CTNNA2: variants seen among roughly 807,000 people sequenced by gnomAD.
The protein encoded by CTNNA2 is catenin alpha-2.
A neutral mutation model predicts 101.0 loss-of-function variants in CTNNA2; 42 were observed. That is an observed-to-expected ratio of 0.42 (90% CI 0.32 to 0.54). CTNNA2 has a LOEUF of 0.54. Among genes scored for constraint, CTNNA2 ranks in the 20% least tolerant of loss-of-function variants. The pLI, the probability that CTNNA2 is intolerant of heterozygous loss-of-function variation, is 0.14. For missense variants in CTNNA2, 871 were observed against 1,223.1 expected (o/e 0.71, Z 4.29); for synonymous variants, 450 against 456.4 (o/e 0.99, Z 0.18).
rs988086101 is a variant in CTNNA2, at chr2:80,440,660, T to C, written c.1290+21059T>C. On this transcript the variant is annotated intron_variant, in intron 9 of 18. Coordinates refer to ENST00000402739, the MANE Select transcript of CTNNA2 (RefSeq NM_001282597.3). ...AGGATAAAGAAGGAAGATAGAACTT[T>C]ATAGGGAGAATCAGGTGTTCAGTTG... Among the ~76,000 whole-genome samples the C allele has an allele frequency of 2.6e-5, 4 of 152,150 alleles. No individual in the cohort carries two copies. The East Asian group carries it at 7.7e-4, about 29-fold the overall frequency.
chr2:80,600,063 A>G (rs1267356918), intron 15 of CTNNA2, among the ~76,000 whole-genome samples: 2 of 151,990 alleles, frequency 1.3e-5, no homozygotes, highest in East Asian at 1.9e-4. Context: ...TTACTTATAC[A>G]GAATTTAAAG....
At chr2:80,352,140 A>G (rs1344910336) in intron 7 of CTNNA2, among the ~76,000 whole-genome samples, 3 of 152,150 alleles carry the variant, frequency 2.0e-5, no homozygotes, top group African/African-American at 2.4e-5. Flanking sequence ...CGATGTAGCA[A>G]TCCAGCTTTC....
chr2:80,635,799 A>G lies in CTNNA2; in HGVS notation c.2575-11786A>G, dbSNP rs3821075. ...GCTATGTGTTGAGAAGAATGCTGAG[A>G]CCATGGCTAGGATCAGTAGGAAAAA... On this transcript the variant is annotated intron_variant, in intron 18 of 18. Coordinates refer to ENST00000402739, the MANE Select transcript of CTNNA2 (RefSeq NM_001282597.3). 3.5e-4 allele frequency among the ~76,000 whole-genome samples: 53 copies of G among 152,164 alleles called. No individual in the cohort carries two copies. The East Asian group carries it at 9.9e-3, about 28-fold the overall frequency.
intron 7 of CTNNA2, among the ~76,000 whole-genome samples, chr2:79,938,946 C>A (rs150754280): frequency 0.011 from 1,743 of 152,250 alleles, 11 homozygotes; most frequent in Non-Finnish European, 0.016. Context: ...AAAGACCAGG[C>A]AGCTATCACT....
intron 1 of CTNNA2, among the ~76,000 whole-genome samples, chr2:79,565,257 A>G (rs987751756): frequency 6.6e-6 from 1 of 152,016 alleles, no homozygotes; most frequent in Non-Finnish European, 1.5e-5. Flanking sequence ...AAGGAAAAAA[A>G]AAAAGGAAAC....
chr2:80,636,274 CTTAG>C (rs3836007), intron 18 of CTNNA2, among the ~76,000 whole-genome samples: 4,405 of 152,146 alleles, frequency 0.029, 111 homozygotes, highest in East Asian at 0.086. Flanking sequence ...TAAGGTCAGT[CTTAG>C]TTAGAGATGG....
At chr2:79,979,864 A>G (rs137918041) in intron 7 of CTNNA2, among the ~76,000 whole-genome samples, 3 of 152,308 alleles carry the variant, frequency 2.0e-5, no homozygotes, top group African/African-American at 7.2e-5. Context: ...GTTGACTTAT[A>G]TAAAGCAAAA....
intron 4 of CTNNA2, among the ~76,000 whole-genome samples, chr2:79,398,726 C>A (rs1406307516): frequency 6.6e-6 from 1 of 151,664 alleles, no homozygotes; most frequent in Non-Finnish European, 1.5e-5. Context: ...AAAACCTACC[C>A]TTCCATAACA....
At chr2:80,562,497 CT>C in intron 12 of CTNNA2, among the ~76,000 whole-genome samples, 1 of 152,176 alleles carries the variant, frequency 6.6e-6, no homozygotes, top group Non-Finnish European at 1.5e-5. Flanking sequence ...GAAAAGTCAT[CT>C]TATATTTTGC....
At chr2:79,215,192 G>A (rs1182186168) in intron 2 of CTNNA2, among the ~76,000 whole-genome samples, 2 of 152,166 alleles carry the variant, frequency 1.3e-5, no homozygotes. Context: ...TTTTCAGTGG[G>A]GTCCTGCACA....
intron 3 of CTNNA2, among the ~76,000 whole-genome samples, chr2:79,334,916 C>A (rs1676960329): frequency 6.6e-6 from 1 of 152,138 alleles, no homozygotes; most frequent in Non-Finnish European, 1.5e-5. Flanking sequence ...ACTCTCTAGA[C>A]TTTGCCTGTT....
intron 9 of CTNNA2, among the ~76,000 whole-genome samples, chr2:80,427,979 A>C (rs1279848057): frequency 1.3e-5 from 2 of 152,372 alleles, no homozygotes; most frequent in Non-Finnish European, 1.5e-5. Flanking sequence ...GCTGTAGCAC[A>C]AAATTAAACA....
rs563374280 is a variant in CTNNA2 at position 79,299,809 on chromosome 2, T to A, written c.-405-12900T>A. Among the ~76,000 whole-genome samples, 302 of 152,336 alleles carry A rather than the reference T, an allele frequency of 2.0e-3. 1 individual carries two copies. The highest frequency in any genetic ancestry group is 3.9e-3 in the Non-Finnish European group (267 of 68,012). ...GTGGTCTGTGCTTTTCATATTTGAA[T>A]AAAGTCACACTGGGATTGAGCTGAG... is the stretch of plus-strand genomic sequence containing the variant. On this transcript the variant is annotated intron_variant, in intron 2 of 21. Transcript: ENST00000466387.
intron 7 of CTNNA2, among the ~76,000 whole-genome samples, chr2:80,127,233 G>T (rs7605459): frequency 1.3e-5 from 2 of 151,420 alleles, no homozygotes; most frequent in Admixed American, 1.3e-4. Context: ...AGATCAAAAG[G>T]TTTTTTTTTG....
At chr2:80,552,386 G>T (rs924002489) in intron 11 of CTNNA2, among the ~76,000 whole-genome samples, 2 of 152,132 alleles carry the variant, frequency 1.3e-5, no homozygotes, top group East Asian at 1.9e-4. Flanking sequence ...CATGCCTGTA[G>T]ATTGTTTTTA....
chr2:79,715,486 G>T (rs1405058705), intron 2 of CTNNA2, among the ~76,000 whole-genome samples: 5 of 152,102 alleles, frequency 3.3e-5, no homozygotes, highest in African/African-American at 4.8e-5. Flanking sequence ...GATTTAAGAT[G>T]ACAAAAGCAA....
At chr2:80,212,347 T>G (rs1026385200) in intron 7 of CTNNA2, among the ~76,000 whole-genome samples, 1 of 152,130 alleles carries the variant, frequency 6.6e-6, no homozygotes, top group Non-Finnish European at 1.5e-5. Context: ...TGATATTGGG[T>G]GTGGGTTTGT....
At chr2:79,653,679 C>T (rs967297614) in intron 2 of CTNNA2, among the ~76,000 whole-genome samples, 21 of 152,110 alleles carry the variant, frequency 1.4e-4, no homozygotes, top group African/African-American at 4.3e-4. Flanking sequence ...AGTCTTCATA[C>T]GTTGAGAATT....
chr2:80,608,172 A>C lies in CTNNA2; in HGVS notation c.2296-12A>C. On this transcript the variant is annotated splice_polypyrimidine_tract_variant and intron_variant, in intron 16 of 18. Transcript: ENST00000402739. ...ACTTACTAATCAAGATCACTCTTTT[A>C]ATGTTTTATAGTGTCCTGATTCAGC... 6.3e-7 allele frequency: 1 copy of C among 1,597,478 alleles called. No individual in the cohort carries two copies. The highest frequency in any genetic ancestry group is 1.1e-5 in the South Asian group (1 of 89,328).
Sources: gnomAD v4.1 joint callset for allele counts (sites outside exome capture counted in the v4.1 genomes callset) on GRCh38, gnomAD v4.1.1 for gene constraint, MANE v1.5 for transcripts, NCBI Gene and HGNC (gene_info 2026-07-23, HGNC 2026-07-21) for gene names.